The following PDE8B variants were observed in gnomAD, a reference collection of about 807,000 sequenced individuals.
PDE8B encodes high affinity cAMP-specific and IBMX-insensitive 3',5'-cyclic phosphodiesterase 8B.
PDE8B carries 26 observed loss-of-function variants against 101.3 expected under a neutral mutation model. The ratio of observed to expected loss-of-function variants is 0.26; its 90% CI spans 0.19 to 0.36. PDE8B has a LOEUF of 0.36. PDE8B is among the 10% of genes least tolerant of loss of function. PDE8B has a pLI of 1.00. For missense variants in PDE8B, 810 were observed against 1,163.1 expected, an observed-to-expected ratio of 0.70 and a Z score of 4.42; for synonymous variants, 424 against 429.3, an observed-to-expected ratio of 0.99 and a Z score of 0.15.
intron 10 of PDE8B, among the ~76,000 whole-genome samples, chr5:77,379,002 A>ATT (rs34717093): frequency 0.2 from 29,741 of 152,212 alleles, 3,542 homozygotes; most frequent in Middle Eastern, 0.32. Context: ...AAGATAAAAC[A>ATT]TTTAAGCCTG....
At chr5:77,188,717 A>G in the PDE8B span, among the ~76,000 whole-genome samples, 1 of 152,220 alleles carries the variant, frequency 6.6e-6, no homozygotes, top group African/African-American at 2.4e-5. Flanking sequence ...GTGTATTTCA[A>G]CCCTGTGCAT....
rs71606290 is a variant in PDE8B at position 77,397,026 on chromosome 5, A to ATTTTTTTTTTTT, written c.1168-3209_1168-3198dup. Among the ~76,000 whole-genome samples the ATTTTTTTTTTTT allele has an allele frequency of 1.5e-4, 13 of 84,402 alleles. 2 individuals are homozygous for ATTTTTTTTTTTT. The highest frequency in any genetic ancestry group is 5.5e-4 in the African/African-American group (10 of 18,228). 55.4% of individuals were successfully genotyped at this position (84,402 alleles called of 152,430 possible). On this transcript the variant is annotated intron_variant, in intron 10 of 21. Coordinates refer to ENST00000264917, the MANE Select transcript of PDE8B (RefSeq NM_003719.5). ...TTGGTTTCTATATTTCCGATAAGAA[A>ATTTTTTTTTTTT]TTTTTTTTTTTTTTTTTTTTTTTTG...
intron 14 of PDE8B, chr5:77,411,278 G>A (rs1180601772): frequency 3.6e-5 from 7 of 195,522 alleles, no homozygotes; most frequent in African/African-American, 1.6e-4. Context: ...TCTTCAAAAT[G>A]TAAGTCAAAA....
At chr5:77,189,549 T>C in the PDE8B span, among the ~76,000 whole-genome samples, 4 of 152,190 alleles carry the variant, frequency 2.6e-5, no homozygotes, top group South Asian at 2.1e-4. Flanking sequence ...TGGGGAGTGA[T>C]ATTTGTGAAA....
At chr5:77,255,502 G>A (rs1167899815) in intron 1 of PDE8B, among the ~76,000 whole-genome samples, 3 of 152,198 alleles carry the variant, frequency 2.0e-5, no homozygotes, top group Admixed American at 1.3e-4. Flanking sequence ...AATGGAGCAT[G>A]TGCCAGGACC....
the PDE8B span, chr5:77,119,292 AT>A: frequency 1.3e-5 from 2 of 152,214 alleles, no homozygotes; most frequent in Non-Finnish European, 2.9e-5. Context: ...CACACTTTCT[AT>A]GACCCAGCAA....
At chr5:77,232,781 T>A (rs1295539207) in intron 1 of PDE8B, among the ~76,000 whole-genome samples, 1 of 152,186 alleles carries the variant, frequency 6.6e-6, no homozygotes, top group Non-Finnish European at 1.5e-5. Flanking sequence ...CAGGTTGAAC[T>A]TTTTTTGTGA....
At chr5:77,257,386 G>C (rs1404346985) in intron 1 of PDE8B, among the ~76,000 whole-genome samples, 1 of 152,088 alleles carries the variant, frequency 6.6e-6, no homozygotes, top group Non-Finnish European at 1.5e-5. Flanking sequence ...GGATGCACCA[G>C]CCTAGTACTA....
chr5:77,349,860 A>G (rs774608201), intron 8 of PDE8B, among the ~76,000 whole-genome samples: 1 of 152,206 alleles, frequency 6.6e-6, no homozygotes, highest in Non-Finnish European at 1.5e-5. Flanking sequence ...AGTTCCACCC[A>G]GAGAGCTGTT....
upstream of PDE8B, among the ~76,000 whole-genome samples, chr5:77,207,983 A>G (rs1331611475): frequency 1.3e-5 from 2 of 152,220 alleles, no homozygotes; most frequent in Non-Finnish European, 2.9e-5. Context: ...GTTGCAGTCA[A>G]TGAAAGTCAC....
chr5:77,255,313 G>T (rs569473066), intron 1 of PDE8B, among the ~76,000 whole-genome samples: 2 of 152,082 alleles, frequency 1.3e-5, no homozygotes, highest in African/African-American at 4.8e-5. Flanking sequence ...AGTATATTTC[G>T]TGTCCTGGCT....
the PDE8B span, among the ~76,000 whole-genome samples, chr5:77,188,191 T>A: frequency 6.6e-6 from 1 of 152,220 alleles, no homozygotes; most frequent in East Asian, 1.9e-4. Flanking sequence ...ACCCTCTTAG[T>A]AACCTAAGAG....
intron 1 of PDE8B, among the ~76,000 whole-genome samples, chr5:77,288,414 A>C (rs1421115908): frequency 1.3e-5 from 2 of 152,108 alleles, no homozygotes; most frequent in Non-Finnish European, 2.9e-5. Flanking sequence ...TGGTCTGACA[A>C]AGTCTCACTG....
chr5:77,312,093 T>TA, intron 2 of PDE8B, 40 bp downstream of exon 2: 2 of 1,439,426 alleles, frequency 1.4e-6, no homozygotes, highest in Non-Finnish European at 1.9e-6. Flanking sequence ...CAGATTATTT[T>TA]CTTTTTTTTT....
intron 10 of PDE8B, among the ~76,000 whole-genome samples, chr5:77,386,865 CTTTTTTTTTTTTTTTTTT>C (rs59393259): frequency 2.0e-5 from 1 of 51,060 alleles, no homozygotes; most frequent in Non-Finnish European, 3.3e-5. Context: ...GATGTAGTTT[CTTTTTTTTTTTTTTTTTT>C]TTTTTTTTTT....
the PDE8B span, among the ~76,000 whole-genome samples, chr5:77,097,732 T>TATATATATATATAC: frequency 1.0e-3 from 67 of 65,202 alleles, no homozygotes; most frequent in African/African-American, 2.2e-3. Flanking sequence ...TATATATATA[T>TATATATATATATAC]ACATACATAT....
At chr5:77,154,448 G>C in the PDE8B span, among the ~76,000 whole-genome samples, 1 of 152,352 alleles carries the variant, frequency 6.6e-6, no homozygotes, top group Admixed American at 6.5e-5. Flanking sequence ...GCAGGGCAGA[G>C]AGGCCAGAGA....
At position 77,278,695 on chromosome 5, in the gene PDE8B, T is replaced by G. The variant is rs557138908; in HGVS notation, c.340-33299T>G. ...TGTGTTAGCCAGGATGGTCTCGATC[T>G]CCTGACCTCGTGATTCCCAAAGTGC... is the stretch of plus-strand genomic sequence containing the variant. On this transcript the variant is annotated intron_variant, in intron 1 of 21. Coordinates refer to ENST00000264917, the MANE Select transcript of PDE8B (RefSeq NM_003719.5). Among the ~76,000 whole-genome samples, 537 of 152,270 alleles carry G rather than the reference T, an allele frequency of 3.5e-3. 3 individuals carry two copies. The highest frequency in any genetic ancestry group is 0.013 in the African/African-American group (524 of 41,536).
Position 77,329,341 on chromosome 5 carries a change from A to G in PDE8B, c.650+284A>G, listed in dbSNP as rs566489530. On this transcript the variant is annotated intron_variant, in intron 4 of 21. Coordinates refer to ENST00000264917, the MANE Select transcript of PDE8B (RefSeq NM_003719.5). ...CCAAAAATGAATGGAAAATTTGAGG[A>G]GGAGGTGGTCTGGAGAAAACATTGT... is the stretch of plus-strand genomic sequence containing the variant. 2.6e-5 allele frequency among the ~76,000 whole-genome samples: 4 copies of G among 152,272 alleles called. No homozygotes were observed. In the South Asian group the frequency reaches 8.3e-4, roughly 32 times the overall value.
Sources: gnomAD v4.1 joint callset for allele counts (sites outside exome capture counted in the v4.1 genomes callset) on GRCh38, gnomAD v4.1.1 for gene constraint, MANE v1.5 for transcripts, NCBI Gene and HGNC (gene_info 2026-07-23, HGNC 2026-07-21) for gene names.